Variants in NIPAL2 observed in about 807,000 individuals in gnomAD.
The protein encoded by NIPAL2 is NIPA like domain containing 2.
In NIPAL2, 43 loss-of-function variants were observed where a neutral mutation model predicts 48.9. That is an observed-to-expected ratio of 0.88 (90% CI 0.69 to 1.13). The LOEUF (loss-of-function observed/expected upper bound fraction) is 1.13, where lower values mean the gene tolerates loss of function less well. NIPAL2 is among the 50% of genes most tolerant of loss of function. The pLI, the probability that NIPAL2 is intolerant of heterozygous loss-of-function variation, is 0.00. For missense variants in NIPAL2, 446 were observed against 461.4 expected, an observed-to-expected ratio of 0.97 and a Z score of 0.31; for synonymous variants, 167 against 174.6, an observed-to-expected ratio of 0.96 and a Z score of 0.34.
rs759586242 is a variant in NIPAL2, at chr8:98,212,398, C to A, written c.655+7G>T. 1 of 1,512,330 alleles carries A rather than the reference C, an allele frequency of 6.6e-7. No individual in the cohort carries two copies. Among genetic ancestry groups the A allele is most frequent in the South Asian group, 1.1e-5 (1 of 88,576 alleles). 93.7% of individuals were successfully genotyped at this position (1,512,330 alleles called of 1,614,324 possible). A position where few individuals can be genotyped will look rare whatever the true frequency, so the allele number is the denominator to read the frequency against. On this transcript the variant is annotated splice_region_variant and intron_variant, in intron 6 of 10. Transcript: ENST00000430223. ...TTAAAGAATAAGAAAACAAAATATG[C>A]CTTTACCTAGAATTGCCACCAGGGT...
At chr8:98,254,268 C>T (rs1268566644) in intron 1 of NIPAL2, among the ~76,000 whole-genome samples, 181 bp from the exon 2 acceptor site, 3 of 152,136 alleles carry the variant, frequency 2.0e-5, no homozygotes, top group South Asian at 4.1e-4. Flanking sequence ...TTTTTTCGAA[C>T]ACTATTTTTA....
intron 3 of NIPAL2, among the ~76,000 whole-genome samples, chr8:98,237,466 CA>C (rs1440882113): frequency 6.6e-6 from 1 of 152,070 alleles, no homozygotes; most frequent in Non-Finnish European, 1.5e-5. Flanking sequence ...TCTGACCTCC[CA>C]TTTCCCCCTT....
intron 5 of NIPAL2, among the ~76,000 whole-genome samples, chr8:98,213,981 T>C (rs1811448911): frequency 6.6e-6 from 1 of 152,318 alleles, no homozygotes; most frequent in African/African-American, 2.4e-5. Context: ...AGTCGGTCAC[T>C]CAATGAGTAC....
chr8:98,215,684 T>C (rs1811540613), intron 5 of NIPAL2, among the ~76,000 whole-genome samples: 1 of 152,178 alleles, frequency 6.6e-6, no homozygotes, highest in South Asian at 2.1e-4. Flanking sequence ...GTCTAATCTC[T>C]AGAAGCTGTG....
intron 1 of NIPAL2, among the ~76,000 whole-genome samples, chr8:98,281,764 C>CA (rs1815842128): frequency 6.6e-6 from 1 of 152,228 alleles, no homozygotes; most frequent in Admixed American, 6.5e-5. Context: ...ATAGAGAAGA[C>CA]AGAGTACAAA....
Position 98,192,765 on chromosome 8 carries a change from T to C in NIPAL2, c.*213A>G. ...AATCACTAGGGAGAGGTCCAGGGTG[T>C]GGGGAACACTCCAAATCACATTCCA... On this transcript the variant is annotated 3_prime_UTR_variant, in exon 11 of 11. Coordinates refer to ENST00000430223, the MANE Select transcript of NIPAL2 (RefSeq NM_001321635.2). The C allele has an allele frequency of 1.7e-6, 1 of 579,594 alleles. No individual in the cohort carries two copies. Among genetic ancestry groups the C allele is most frequent in the Non-Finnish European group, 3.1e-6 (1 of 325,428 alleles). 35.9% of individuals were successfully genotyped at this position (579,594 alleles called of 1,614,324 possible).
chr8:98,202,549 G>T (rs953779436), intron 8 of NIPAL2, among the ~76,000 whole-genome samples: 10 of 152,124 alleles, frequency 6.6e-5, no homozygotes, highest in African/African-American at 2.4e-4. Context: ...TAAAGAGACT[G>T]GGACCTACCC....
intron 3 of NIPAL2, among the ~76,000 whole-genome samples, chr8:98,243,824 G>A (rs553047525): frequency 1.3e-5 from 2 of 152,076 alleles, no homozygotes. Flanking sequence ...AGGTAAATGG[G>A]CATTCCCTTT....
intron 5 of NIPAL2, among the ~76,000 whole-genome samples, chr8:98,215,109 C>T (rs1323826780): frequency 2.0e-5 from 3 of 152,228 alleles, no homozygotes; most frequent in African/African-American, 7.2e-5. Context: ...TGTTAACACA[C>T]AGAGCCTATT....
rs2130832981 is a variant in NIPAL2, at chr8:98,254,014, C to G, written c.204+5G>C. 1 of 1,600,758 alleles carries G rather than the reference C, an allele frequency of 6.2e-7. No homozygotes were observed. Among genetic ancestry groups the G allele is most frequent in the Non-Finnish European group, 8.5e-7 (1 of 1,170,168 alleles). ...TAGTGTTAGAAAAATAAGCTTTTTT[C>G]TTACCTGAATATTTAGAGAAATACT... On this transcript the variant is annotated splice_donor_5th_base_variant and intron_variant, in intron 2 of 10. Transcript: ENST00000430223.
At chr8:98,280,761 T>TATATAGAGAG in intron 1 of NIPAL2, among the ~76,000 whole-genome samples, 633 of 29,992 alleles carry the variant, frequency 0.021, 20 homozygotes, top group Middle Eastern at 0.04. Flanking sequence ...TATATATATA[T>TATATAGAGAG]AGAGAGAGAG....
chr8:98,197,540 A>G (rs1460690755), intron 8 of NIPAL2, among the ~76,000 whole-genome samples: 1 of 152,216 alleles, frequency 6.6e-6, no homozygotes, highest in Non-Finnish European at 1.5e-5. Flanking sequence ...GTAGCATGCC[A>G]TACTGTTTGA....
intron 9 of NIPAL2, chr8:98,195,709 G>A (rs1810510027): frequency 5.2e-6 from 2 of 383,764 alleles, no homozygotes; most frequent in African/African-American, 2.2e-5. Context: ...TCTTTGGCCT[G>A]GAATTGGAAA....
chr8:98,290,289 T>C (rs1004641622), intron 1 of NIPAL2, among the ~76,000 whole-genome samples: 10 of 152,142 alleles, frequency 6.6e-5, no homozygotes, highest in African/African-American at 2.4e-4. Flanking sequence ...GACTTTAAAA[T>C]CCAAGCCATT....
chr8:98,235,167 A>G (rs1205424058), intron 4 of NIPAL2, among the ~76,000 whole-genome samples: 1 of 152,178 alleles, frequency 6.6e-6, no homozygotes, highest in Non-Finnish European at 1.5e-5. Context: ...TAAAAAAAAT[A>G]TGATCTCCCT....
Position 98,252,629 on chromosome 8 carries a change from A to G in NIPAL2, c.210T>C (p.Tyr70=). ...VISISLNIQK[Y]SHLQLAQQEH... Reference sequence around the variant, plus strand: ...CTTGTTGTGCCAGCTGAAGGTGAGAATATTTCTGAAAGTAAATCAGAAGAC... The same window carrying G: ...CTTGTTGTGCCAGCTGAAGGTGAGAGTATTTCTGAAAGTAAATCAGAAGAC... Residue 70 remains tyrosine (Y), a synonymous_variant, in exon 3 of 11, where the codon TAT becomes TAC. Coordinates refer to ENST00000430223, the MANE Select transcript of NIPAL2 (RefSeq NM_001321635.2). The G allele has an allele frequency of 6.2e-7, 1 of 1,609,888 alleles. No individual in the cohort carries two copies. The highest frequency in any genetic ancestry group is 8.5e-7 in the Non-Finnish European group (1 of 1,178,920).
intron 1 of NIPAL2, among the ~76,000 whole-genome samples, chr8:98,287,753 C>T (rs62524197): frequency 6.6e-6 from 1 of 151,900 alleles, no homozygotes; most frequent in African/African-American, 2.4e-5. Context: ...TAGAGAAAGC[C>T]GAGAAATGGA....
intron 5 of NIPAL2, 35 bp downstream of exon 5, chr8:98,222,444 A>C (rs1364956434): frequency 6.2e-7 from 1 of 1,606,018 alleles, no homozygotes; most frequent in Non-Finnish European, 8.5e-7. Context: ...TGGATAATAT[A>C]GCTTCGGGGA....
chr8:98,285,167 C>T (rs1816082513), intron 1 of NIPAL2, among the ~76,000 whole-genome samples: 1 of 152,118 alleles, frequency 6.6e-6, no homozygotes, highest in Admixed American at 6.6e-5. Flanking sequence ...TCATGTGAGC[C>T]AGGACACAGA....
Sources: gnomAD v4.1 joint callset for allele counts (sites outside exome capture counted in the v4.1 genomes callset) on GRCh38, gnomAD v4.1.1 for gene constraint, MANE v1.5 for transcripts, NCBI Gene and HGNC (gene_info 2026-07-23, HGNC 2026-07-21) for gene names.